AOAH: variants seen among roughly 807,000 people sequenced by gnomAD.
The protein encoded by AOAH is acyloxyacyl hydrolase (neutrophil).
In AOAH, 64 loss-of-function variants were observed where a neutral mutation model predicts 92.2. The ratio of observed to expected loss-of-function variants is 0.69; its 90% CI spans 0.57 to 0.86. The LOEUF is 0.86. Among genes scored for constraint, AOAH ranks in the 40% least tolerant of loss-of-function variants. The probability of loss-of-function intolerance (pLI) is 0.00; values close to 1 mark genes in which losing one functional copy is unlikely to be tolerated. For synonymous variants in AOAH, 263 were observed against 254.5 expected (o/e 1.03, Z -0.32); for missense variants, 656 against 694.6 (o/e 0.94, Z 0.62).
At chr7:36,575,671 TA>T (rs1233702892) in intron 13 of AOAH, among the ~76,000 whole-genome samples, 21 of 152,236 alleles carry the variant, frequency 1.4e-4, no homozygotes, top group African/African-American at 3.9e-4. Context: ...ATTTTATTAG[TA>T]AAAAAAATCT....
intron 11 of AOAH, among the ~76,000 whole-genome samples, chr7:36,603,757 AG>A (rs1790777572): frequency 6.6e-6 from 1 of 152,188 alleles, no homozygotes; most frequent in African/African-American, 2.4e-5. Flanking sequence ...AGGATCCAAC[AG>A]ACTTAGTTTG....
chr7:36,554,368 G>A (rs1443937730), intron 13 of AOAH, among the ~76,000 whole-genome samples: 1 of 152,198 alleles, frequency 6.6e-6, no homozygotes, highest in Non-Finnish European at 1.5e-5. Context: ...CCAGTACCAT[G>A]CTGTTTTGGT....
In AOAH at chr7:36,612,114, C is replaced by T. The variant is rs547115916; in HGVS notation, c.846+4266G>A. ...AAAACAAATAGAACAAACAAATCTCCAAGATCTTGAGCCACAATATTTGGT... is the reference window on the plus strand; with the variant it reads ...AAAACAAATAGAACAAACAAATCTCTAAGATCTTGAGCCACAATATTTGGT... On this transcript the variant is annotated intron_variant, in intron 11 of 20. Coordinates refer to ENST00000617537, the MANE Select transcript of AOAH (RefSeq NM_001637.4). Among the ~76,000 whole-genome samples the T allele has an allele frequency of 7.9e-5, 12 of 152,186 alleles. No homozygotes were observed. In the East Asian group the frequency reaches 1.2e-3, roughly 15 times the overall value.
Position 36,594,367 on chromosome 7 carries a change from C to T in AOAH, c.910G>A (p.Ala304Thr), listed in dbSNP as rs369539683. The change falls in exon 12 of 21, where the codon GCT (alanine) becomes ACT (threonine). Residue 304 changes from alanine to threonine, a missense_variant. Coordinates refer to ENST00000617537, the MANE Select transcript of AOAH (RefSeq NM_001637.4). ...ACAGTGGAGTCCAGAAATCCTGTAG[C>T]ACCAGAGAGTTGGGGCCAGTCAAGC... ...NELDWPQLSG[A>T]TGFLDSTVGI... 5.0e-6 allele frequency: 8 copies of T among 1,613,928 alleles called. No individual in the cohort carries two copies. The highest frequency in any genetic ancestry group is 3.3e-5 in the South Asian group (3 of 91,082).
In AOAH at chr7:36,554,514, T is replaced by A. The variant is rs535089596; in HGVS notation, c.1022-5039A>T. On this transcript the variant is annotated intron_variant, in intron 13 of 20. Transcript: ENST00000617537. ...ACTTTAAAGTAGTTTTTTCCAATTCTGTGAAGAAAGTCATTGGTAGCTTGA... is the reference window on the plus strand; with the variant it reads ...ACTTTAAAGTAGTTTTTTCCAATTCAGTGAAGAAAGTCATTGGTAGCTTGA... Among the ~76,000 whole-genome samples the A allele has an allele frequency of 1.0e-4, 16 of 152,388 alleles. No individual in the cohort carries two copies. In the East Asian group the frequency reaches 1.5e-3, roughly 15 times the overall value.
intron 12 of AOAH, among the ~76,000 whole-genome samples, chr7:36,582,615 G>A (rs577064212): frequency 1.8e-3 from 268 of 152,250 alleles, no homozygotes; most frequent in African/African-American, 5.4e-3. Flanking sequence ...ACAAAACAGA[G>A]TAATATCAAG....
At chr7:36,706,435 T>C (rs7808930) in intron 1 of AOAH, among the ~76,000 whole-genome samples, 2,598 of 152,210 alleles carry the variant, frequency 0.017, 83 homozygotes, top group African/African-American at 0.06. Flanking sequence ...TATTGTTCCA[T>C]TTCTAGAGTA....
chr7:36,543,045 C>G (rs1785522143), intron 15 of AOAH, among the ~76,000 whole-genome samples: 1 of 152,120 alleles, frequency 6.6e-6, no homozygotes, highest in Non-Finnish European at 1.5e-5. Context: ...TGCTTCTAAA[C>G]TATGTCATGG....
chr7:36,563,561 T>C (rs1033093161), intron 13 of AOAH, among the ~76,000 whole-genome samples: 25 of 152,164 alleles, frequency 1.6e-4, no homozygotes, highest in African/African-American at 6.0e-4. Context: ...CTATTTTCAG[T>C]GGGAGAGACA....
At chr7:36,709,133 A>C (rs1314375164) in intron 1 of AOAH, among the ~76,000 whole-genome samples, 1 of 152,078 alleles carries the variant, frequency 6.6e-6, no homozygotes, top group African/African-American at 2.4e-5. Flanking sequence ...CTCCCTGCTA[A>C]ACTTATGGCT....
chr7:36,517,800 C>A (rs985116925), intron 20 of AOAH, among the ~76,000 whole-genome samples: 2 of 151,528 alleles, frequency 1.3e-5, no homozygotes, highest in Non-Finnish European at 2.9e-5. Flanking sequence ...GGGGTTTCAC[C>A]ATTATGGCCA....
chr7:36,610,815 C>T (rs976255767), intron 11 of AOAH, among the ~76,000 whole-genome samples: 17 of 152,042 alleles, frequency 1.1e-4, no homozygotes, highest in African/African-American at 2.9e-4. Flanking sequence ...TGCCTTGTTG[C>T]GCTTTGACAT....
At chr7:36,563,373 C>A (rs1022385435) in intron 13 of AOAH, among the ~76,000 whole-genome samples, 3 of 152,034 alleles carry the variant, frequency 2.0e-5, no homozygotes, top group Non-Finnish European at 4.4e-5. Flanking sequence ...CCTGTCTGTG[C>A]TGCTTCTGGG....
chr7:36,723,899 T>A, intron 1 of AOAH, 123 bp downstream of exon 1: 1 of 1,108,214 alleles, frequency 9.0e-7, no homozygotes, highest in Non-Finnish European at 1.2e-6. Flanking sequence ...GTGAGGTTAC[T>A]GGTGCCTTAC....
intron 11 of AOAH, among the ~76,000 whole-genome samples, chr7:36,596,575 G>A (rs1790141592): frequency 6.6e-6 from 1 of 152,172 alleles, no homozygotes; most frequent in Admixed American, 6.5e-5. Context: ...GACACAGGGG[G>A]AAGGCCGTGC....
intron 5 of AOAH, among the ~76,000 whole-genome samples, chr7:36,634,930 T>C (rs1793419378): frequency 6.6e-6 from 1 of 152,200 alleles, no homozygotes; most frequent in Admixed American, 6.5e-5. Context: ...TTGCCATTCA[T>C]TGTGTAGAAA....
intron 2 of AOAH, among the ~76,000 whole-genome samples, chr7:36,684,222 G>A (rs551178187): frequency 1.3e-5 from 2 of 152,288 alleles, no homozygotes; most frequent in Non-Finnish European, 2.9e-5. Flanking sequence ...CAAAGGACTT[G>A]AGTCAGCTTG....
At chr7:36,620,230 C>T (rs898147018) in intron 9 of AOAH, among the ~76,000 whole-genome samples, 2 of 152,152 alleles carry the variant, frequency 1.3e-5, no homozygotes, top group Admixed American at 1.3e-4. Context: ...ACCCCACAAA[C>T]TTAAGCCTGT....
At chr7:36,521,679 CTTT>C (rs780833627) in intron 20 of AOAH, among the ~76,000 whole-genome samples, 2 of 144,900 alleles carry the variant, frequency 1.4e-5, no homozygotes, top group African/African-American at 2.5e-5. Context: ...TTCTTTCTTC[CTTT>C]TTTTTTTTTT....
Sources: gnomAD v4.1 joint callset for allele counts (sites outside exome capture counted in the v4.1 genomes callset) on GRCh38, gnomAD v4.1.1 for gene constraint, MANE v1.5 for transcripts, NCBI Gene and HGNC (gene_info 2026-07-23, HGNC 2026-07-21) for gene names.